The following SRGAP3 variants were observed in gnomAD, a reference collection of about 807,000 sequenced individuals.
SRGAP3 encodes SLIT-ROBO Rho GTPase-activating protein 3.
A neutral mutation model predicts 121.1 loss-of-function variants in SRGAP3; 39 were observed. The observed-to-expected ratio is 0.32, with a 90% CI of 0.25 to 0.42. SRGAP3 has a LOEUF of 0.42. SRGAP3 is among the 10% of genes least tolerant of loss of function. The pLI, the probability that SRGAP3 is intolerant of heterozygous loss-of-function variation, is 1.00. For missense variants in SRGAP3, 1,213 were observed against 1,470.6 expected (o/e 0.82, Z 2.86); for synonymous variants, 601 against 570.0 (o/e 1.05, Z -0.77).
intron 6 of SRGAP3, 179 bp from the exon 7 acceptor site, chr3:9,058,651 T>C (rs1296313101): frequency 1.4e-5 from 9 of 629,628 alleles, no homozygotes; most frequent in African/African-American, 1.1e-4. Context: ...TCAAGGGGAG[T>C]TGCGGTTGAG....
chr3:9,353,721 T>C (rs1479345773), intron 1 of SRGAP3, among the ~76,000 whole-genome samples: 1 of 152,222 alleles, frequency 6.6e-6, no homozygotes, highest in Non-Finnish European at 1.5e-5. Flanking sequence ...GTTCATGGAC[T>C]CCTAGGCTAT....
At chr3:9,163,040 C>A (rs934942886) in intron 1 of SRGAP3, among the ~76,000 whole-genome samples, 1 of 152,190 alleles carries the variant, frequency 6.6e-6, no homozygotes, top group Non-Finnish European at 1.5e-5. Context: ...GTCACCGTAC[C>A]TGCTTCTTAG....
intron 1 of SRGAP3, chr3:9,194,018 G>T (rs1951844260): frequency 6.6e-6 from 1 of 152,292 alleles, no homozygotes. Flanking sequence ...CATCCTCGGA[G>T]CCTTCCTCCT....
intron 1 of SRGAP3, among the ~76,000 whole-genome samples, chr3:9,132,280 C>T (rs528723349): frequency 2.0e-5 from 3 of 152,192 alleles, no homozygotes; most frequent in South Asian, 2.1e-4. Context: ...ACTTACATTA[C>T]GGCTCACCCT....
Position 9,004,150 on chromosome 3 carries a change from A to G in SRGAP3, c.2227+6158T>C, listed in dbSNP as rs995076480. Among the ~76,000 whole-genome samples the G allele has an allele frequency of 3.3e-5, 5 of 152,202 alleles. No individual in the cohort carries two copies. The East Asian group carries it at 5.8e-4, about 18-fold the overall frequency. ...AACAATTTCACTTACATTAGCATAA[A>G]AAGAATAAAATACAGAGGAATAAAG... On this transcript the variant is annotated intron_variant, in intron 18 of 21. Transcript: ENST00000383836.
intron 1 of SRGAP3, among the ~76,000 whole-genome samples, chr3:9,126,098 G>C (rs1402010790): frequency 1.3e-5 from 2 of 152,142 alleles, no homozygotes; most frequent in Non-Finnish European, 2.9e-5. Context: ...ACACCCCACA[G>C]GGTATGCAAG....
chr3:9,043,365 T>G (rs944927921), intron 10 of SRGAP3, among the ~76,000 whole-genome samples: 3 of 152,146 alleles, frequency 2.0e-5, no homozygotes, highest in Admixed American at 2.0e-4. Context: ...GAGGTCTCTC[T>G]TTTCCATGAG....
chr3:9,304,548 G>T (rs1326831053), intron 3 of SRGAP3, among the ~76,000 whole-genome samples: 1 of 152,132 alleles, frequency 6.6e-6, no homozygotes, highest in African/African-American at 2.4e-5. Flanking sequence ...GGCAGAGCTG[G>T]GATTTTACTC....
intron 17 of SRGAP3, among the ~76,000 whole-genome samples, chr3:9,011,339 G>A (rs1338631655): frequency 6.6e-6 from 1 of 152,188 alleles, no homozygotes; most frequent in East Asian, 1.9e-4. Flanking sequence ...CCATTTAAAG[G>A]AATATGCATT....
intron 1 of SRGAP3, among the ~76,000 whole-genome samples, chr3:9,240,828 CG>C (rs1302284373): frequency 6.6e-6 from 1 of 152,142 alleles, no homozygotes; most frequent in African/African-American, 2.4e-5. Flanking sequence ...CACAGCCGTG[CG>C]GGCAGTTTTG....
intron 4 of SRGAP3, among the ~76,000 whole-genome samples, chr3:9,067,857 T>C (rs761550178): frequency 1.4e-4 from 22 of 152,082 alleles, no homozygotes; most frequent in Non-Finnish European, 3.1e-4. Flanking sequence ...TTGGTGGAAC[T>C]GGCATACAGA....
intron 9 of SRGAP3, among the ~76,000 whole-genome samples, chr3:9,052,562 T>G (rs2670001): frequency 0.14 from 21,435 of 152,146 alleles, 2,157 homozygotes; most frequent in African/African-American, 0.28. Flanking sequence ...CCTGTCCAAA[T>G]GAAAGATAAT....
chr3:9,122,872 A>G (rs1358996819), intron 2 of SRGAP3, among the ~76,000 whole-genome samples: 3 of 152,198 alleles, frequency 2.0e-5, no homozygotes, highest in Non-Finnish European at 2.9e-5. Context: ...AGGAGTTTAA[A>G]GGCAGAGAGC....
rs377253106 is a variant in SRGAP3, at chr3:9,248,876, G to T, written c.67+9C>A. ...AGGAGAAGGAAAACTCTCCCAGCCC[G>T]CATCTCACCTTTTATTTGGGCTTCA... On this transcript the variant is annotated intron_variant, in intron 1 of 21. Transcript: ENST00000383836. The T allele has an allele frequency of 2.7e-5, 44 of 1,613,824 alleles. No individual in the cohort carries two copies. The East Asian group carries it at 3.8e-4, about 14-fold the overall frequency.
chr3:8,983,011 T>C lies in SRGAP3; in HGVS notation c.*2508A>G, dbSNP rs969774685. ...TATCAGGCAACAGATTTTTCTACTCTGATTGTTGCTTTTCATCTGGCAGTT... is the reference window on the plus strand; with the variant it reads ...TATCAGGCAACAGATTTTTCTACTCCGATTGTTGCTTTTCATCTGGCAGTT... On this transcript the variant is annotated 3_prime_UTR_variant, in exon 22 of 22. Coordinates refer to ENST00000383836, the MANE Select transcript of SRGAP3 (RefSeq NM_014850.4). 15 of 228,706 alleles carry C rather than the reference T, an allele frequency of 6.6e-5. No individual in the cohort carries two copies. Among genetic ancestry groups the C allele is most frequent in the Non-Finnish European group, 1.3e-4 (15 of 115,270 alleles). 14.2% of individuals were successfully genotyped at this position (228,706 alleles called of 1,614,324 possible). A position where few individuals can be genotyped will look rare whatever the true frequency, so the allele number is the denominator to read the frequency against.
intron 3 of SRGAP3, among the ~76,000 whole-genome samples, chr3:9,104,069 G>T (rs761299121): frequency 2.0e-5 from 3 of 152,146 alleles, no homozygotes; most frequent in Non-Finnish European, 4.4e-5. Flanking sequence ...TCAACAATAA[G>T]AGATTAAATA....
At chr3:9,050,434 C>T (rs1053960569) in intron 9 of SRGAP3, among the ~76,000 whole-genome samples, 28 of 152,248 alleles carry the variant, frequency 1.8e-4, no homozygotes, top group African/African-American at 5.1e-4. Flanking sequence ...CATCTCTGTC[C>T]GCCTCATTTA....
chr3:8,995,548 C>T (rs1942349933), intron 18 of SRGAP3, among the ~76,000 whole-genome samples: 1 of 152,192 alleles, frequency 6.6e-6, no homozygotes, highest in Non-Finnish European at 1.5e-5. Context: ...ATTCGGTTGA[C>T]AGCAGCTGTC....
chr3:9,057,885 T>G (rs932907691), intron 7 of SRGAP3, among the ~76,000 whole-genome samples: 1 of 152,182 alleles, frequency 6.6e-6, no homozygotes, highest in Admixed American at 6.5e-5. Context: ...CCTGGTGGAA[T>G]GCACCAGCCT....
Sources: allele counts gnomAD v4.1 joint callset (sites outside exome capture counted in the v4.1 genomes callset), GRCh38; gene constraint gnomAD v4.1.1; transcripts MANE v1.5; gene names NCBI Gene and HGNC (gene_info 2026-07-23, HGNC 2026-07-21).